The following SLC5A8 variants were observed in gnomAD, a reference collection of about 807,000 sequenced individuals.
SLC5A8 encodes the protein solute carrier family 5 member 8.
SLC5A8 carries 55 observed loss-of-function variants against 71.9 expected under a neutral mutation model. The ratio of observed to expected loss-of-function variants is 0.77; its 90% CI spans 0.62 to 0.96. SLC5A8 has a LOEUF of 0.96. Among genes scored for constraint, SLC5A8 ranks in the 40% least tolerant of loss-of-function variants. The pLI is 0.00. For missense variants in SLC5A8, 701 were observed against 745.3 expected, an observed-to-expected ratio of 0.94 and a Z score of 0.69; for synonymous variants, 307 against 276.1, an observed-to-expected ratio of 1.11 and a Z score of -1.11.
chr12:101,193,842 T>G, intron 4 of SLC5A8, 63 bp from the exon 5 acceptor site: 1 of 1,516,110 alleles, frequency 6.6e-7, no homozygotes, highest in Non-Finnish European at 9.0e-7. Context: ...ATCTACACAC[T>G]TATACACTAT....
chr12:101,188,994 C>T (rs922420586), intron 6 of SLC5A8, among the ~76,000 whole-genome samples: 9 of 152,236 alleles, frequency 5.9e-5, no homozygotes, highest in South Asian at 4.2e-4. Context: ...CTTACCATAG[C>T]GTAAGTGTGA....
chr12:101,159,554 T>C (rs2051705932), intron 13 of SLC5A8, among the ~76,000 whole-genome samples: 1 of 152,182 alleles, frequency 6.6e-6, no homozygotes, highest in South Asian at 2.1e-4. Flanking sequence ...GCATCAAAAT[T>C]GTGTGCTTCT....
At chr12:101,194,995 G>A in intron 4 of SLC5A8, 100 bp downstream of exon 4, 2 of 1,110,208 alleles carry the variant, frequency 1.8e-6, no homozygotes, top group South Asian at 1.4e-5. Flanking sequence ...GAATAGGAGA[G>A]TAAGTGTGGA....
intron 3 of SLC5A8, among the ~76,000 whole-genome samples, chr12:101,195,506 A>G (rs1024283117): frequency 6.6e-6 from 1 of 152,076 alleles, no homozygotes; most frequent in African/African-American, 2.4e-5. Flanking sequence ...TAAACACTCT[A>G]TTTTTATGTA....
Position 101,166,536 on chromosome 12 carries a change from A to C in SLC5A8, c.1484T>G (p.Met495Arg). 1 of 1,613,916 alleles carries C rather than the reference A, an allele frequency of 6.2e-7. No homozygotes were observed. The highest frequency in any genetic ancestry group is 8.5e-7 in the Non-Finnish European group (1 of 1,179,924). ...TTGAAAAACACTAGTAGTAAATGGC[A>C]TTTCTGTGGTTGTCATCAAATTTGT... Reference protein sequence around the residue: ...NETNLMTTTEMPFTTSVFQIY... With the variant: ...NETNLMTTTERPFTTSVFQIY... The change falls in exon 12 of 15, where the codon ATG becomes AGG. Residue 495 changes from methionine (M) to arginine (R), a missense_variant. Physicochemically the swap from Met to Arg is moderately conservative, Grantham distance 91 (BLOSUM62 -1). Coordinates refer to ENST00000536262, the MANE Select transcript of SLC5A8 (RefSeq NM_145913.5).
intron 10 of SLC5A8, among the ~76,000 whole-genome samples, chr12:101,173,930 C>T (rs2051855380): frequency 6.6e-6 from 1 of 152,188 alleles, no homozygotes; most frequent in Admixed American, 6.5e-5. Context: ...TCTGCTTCCT[C>T]CTCCTTAGAG....
At chr12:101,161,943 A>G (rs1255754720) in intron 13 of SLC5A8, 31 bp downstream of exon 13, 2 of 1,467,034 alleles carry the variant, frequency 1.4e-6, no homozygotes, top group African/African-American at 2.8e-5. Context: ...TATAGAGGTA[A>G]ATACAACAAT....
At chr12:101,194,945 T>G in intron 4 of SLC5A8, 150 bp downstream of exon 4, 1 of 702,118 alleles carries the variant, frequency 1.4e-6, no homozygotes, top group Non-Finnish European at 2.4e-6. Context: ...ATACTACAGA[T>G]TATTTCTCAC....
chr12:101,174,782 T>G (rs1348784656), intron 10 of SLC5A8, among the ~76,000 whole-genome samples: 1 of 152,196 alleles, frequency 6.6e-6, no homozygotes, highest in Non-Finnish European at 1.5e-5. Flanking sequence ...CCTCTGGACT[T>G]CTACCTCCAC....
Position 101,209,991 on chromosome 12 carries a change from CCTCCGAACGCA to C in SLC5A8, c.-154_-144del. 1.5e-6 allele frequency: 1 copy of C among 682,402 alleles called. No individual in the cohort carries two copies. The allele number at this position is 682,402 out of a possible 1,614,324, so 42.3% of individuals were successfully genotyped here. ...ACTGGAGGCGTCCTCCAGGTGTCGG[CCTCCGAACGCA>C]CCCCGAGGCGGGGTGAGGGCTGGCA... On this transcript the variant is annotated 5_prime_UTR_variant, in exon 1 of 15. Transcript: ENST00000536262.
chr12:101,158,951 CAA>C (rs34838052), intron 13 of SLC5A8, among the ~76,000 whole-genome samples: 2 of 116,658 alleles, frequency 1.7e-5, no homozygotes, highest in South Asian at 2.8e-4. Context: ...GTTTTCTTTA[CAA>C]AAAAAAAAAA....
intron 10 of SLC5A8, among the ~76,000 whole-genome samples, chr12:101,172,219 C>A (rs757717393): frequency 7.9e-5 from 12 of 151,984 alleles, no homozygotes; most frequent in Non-Finnish European, 1.6e-4. Context: ...GCCCAAGAGA[C>A]CCCTAGGCAA....
intron 14 of SLC5A8, among the ~76,000 whole-genome samples, chr12:101,157,872 T>G: frequency 6.6e-6 from 1 of 151,796 alleles, no homozygotes; most frequent in Non-Finnish European, 1.5e-5. Flanking sequence ...TATCAGAGGA[T>G]AGAGAGAGAT....
At chr12:101,169,656 G>A (rs916299328) in intron 10 of SLC5A8, among the ~76,000 whole-genome samples, 1 of 152,170 alleles carries the variant, frequency 6.6e-6, no homozygotes, top group Non-Finnish European at 1.5e-5. Flanking sequence ...GATCCCAGAG[G>A]AGCAGCCCAA....
At chr12:101,194,649 T>G (rs1479993573) in intron 4 of SLC5A8, among the ~76,000 whole-genome samples, 1 of 151,936 alleles carries the variant, frequency 6.6e-6, no homozygotes, top group African/African-American at 2.4e-5. Context: ...AAATTTTTTT[T>G]GTTTTTTTGT....
At chr12:101,158,796 G>C (rs1247084394) in intron 13 of SLC5A8, among the ~76,000 whole-genome samples, 5 of 150,786 alleles carry the variant, frequency 3.3e-5, no homozygotes, top group Non-Finnish European at 7.4e-5. Context: ...CCCCGCTTCA[G>C]ACAGTGGAGC....
chr12:101,189,686 C>G (rs1421532636), intron 6 of SLC5A8, among the ~76,000 whole-genome samples: 1 of 152,166 alleles, frequency 6.6e-6, no homozygotes, highest in Non-Finnish European at 1.5e-5. Flanking sequence ...CTTCCTACCT[C>G]TGTGCGTTCA....
chr12:101,164,040 T>A lies in SLC5A8; in HGVS notation c.1527-1963A>T, dbSNP rs139951365. 9.1e-3 allele frequency among the ~76,000 whole-genome samples: 1,385 copies of A among 152,280 alleles called. 24 individuals are homozygous for A. Among genetic ancestry groups the A allele is most frequent in the East Asian group, 0.051 (262 of 5,186 alleles). On this transcript the variant is annotated intron_variant, in intron 12 of 14. Transcript: ENST00000536262. ...ATAAAAAATTAGTGGAATATCTTTA[T>A]GATTGCAGGGTAGACAAGGATTTCT...
At chr12:101,194,985 G>A (rs2076094078) in intron 4 of SLC5A8, 110 bp downstream of exon 4, 1 of 987,422 alleles carries the variant, frequency 1.0e-6, no homozygotes, top group South Asian at 1.5e-5. Flanking sequence ...AGGAGGTTGG[G>A]AATAGGAGAG....
Sources: allele counts gnomAD v4.1 joint callset (sites outside exome capture counted in the v4.1 genomes callset), GRCh38; gene constraint gnomAD v4.1.1; transcripts MANE v1.5; gene names NCBI Gene and HGNC (gene_info 2026-07-23, HGNC 2026-07-21).